OR1I1: variants seen among roughly 807,000 people sequenced by gnomAD.
The protein encoded by OR1I1 is olfactory receptor family 1 subfamily I member 1, also known as olfactory receptor 1I1.
For missense variants in OR1I1, 451 were observed against 443.6 expected (o/e 1.02, Z -0.15); for synonymous variants, 171 against 181.4 (o/e 0.94, Z 0.46).
chr19:15,084,813 G>T (rs1186753866), intron 1 of OR1I1, among the ~76,000 whole-genome samples: 1 of 151,800 alleles, frequency 6.6e-6, no homozygotes, highest in Non-Finnish European at 1.5e-5. Flanking sequence ...TCCTAAGAAG[G>T]TTTAACCCAT....
chr19:15,087,015 G>A, intron 1 of OR1I1, 38 bp from the exon 2 acceptor site: 1 of 1,555,132 alleles, frequency 6.4e-7, no homozygotes, highest in Non-Finnish European at 8.7e-7. Flanking sequence ...TCTGACACCT[G>A]GCTCTGTGTG....
chr19:15,087,277 C>T lies in OR1I1; in HGVS notation c.212C>T (p.Thr71Ile), dbSNP rs757242072. 2 of 1,614,016 alleles carry T rather than the reference C, an allele frequency of 1.2e-6. No homozygotes were observed. The highest frequency in any genetic ancestry group is 2.7e-5 in the African/African-American group (2 of 74,908). ...FFLFNLSLVD[T>I]LLSSTTVPKM... ...CTCTTCAACCTCTCACTCGTTGACA[C>T]CCTATTATCCTCCACCACCGTCCCC... Residue 71 changes from threonine (T) to isoleucine (I), a missense_variant, in exon 2 of 2, where the codon ACC becomes ATC. Thr to Ile is a moderately conservative substitution (Grantham distance 89, BLOSUM62 -1). Coordinates refer to ENST00000641398, the MANE Select transcript of OR1I1 (RefSeq NM_001004713.2).
intron 1 of OR1I1, among the ~76,000 whole-genome samples, chr19:15,084,679 A>G (rs1198298182): frequency 6.6e-6 from 1 of 152,146 alleles, no homozygotes; most frequent in Non-Finnish European, 1.5e-5. Context: ...ACGTTTACCT[A>G]TGTAACAAAC....
chr19:15,089,562 C>G lies in OR1I1; in HGVS notation c.*1429C>G, dbSNP rs532077171. Reference sequence around the variant, plus strand: ...GGGAGGCCAGGCGCAGTGGCTCACACCTGTAAACTCTGGCACTTTGGGAGG... The same window carrying G: ...GGGAGGCCAGGCGCAGTGGCTCACAGCTGTAAACTCTGGCACTTTGGGAGG... On this transcript the variant is annotated 3_prime_UTR_variant, in exon 2 of 2. Coordinates refer to ENST00000641398, the MANE Select transcript of OR1I1 (RefSeq NM_001004713.2). 68 of 152,272 alleles carry G rather than the reference C, an allele frequency of 4.5e-4. No homozygotes were observed. Among genetic ancestry groups the G allele is most frequent in the African/African-American group, 1.6e-3 (68 of 41,536 alleles). The allele number at this position is 152,272 out of a possible 1,614,324, so 9.4% of individuals were successfully genotyped here.
At position 15,084,999 on chromosome 19, in the gene OR1I1, A is replaced by G. The variant is rs76593729; in HGVS notation, c.-13-2054A>G. Among the ~76,000 whole-genome samples, 1,483 of 151,316 alleles carry G rather than the reference A, an allele frequency of 9.8e-3. 24 individuals carry two copies. The highest frequency in any genetic ancestry group is 0.034 in the African/African-American group (1,396 of 41,266). Reference sequence around the variant, plus strand: ...ACCCTGTCTCAAAATAAATTAAATTAAATTAAATAGATCTTGTATTAGATA... The same window carrying G: ...ACCCTGTCTCAAAATAAATTAAATTGAATTAAATAGATCTTGTATTAGATA... On this transcript the variant is annotated intron_variant, in intron 1 of 1. Transcript: ENST00000641398.
chr19:15,086,320 A>C (rs1171195172), intron 1 of OR1I1, among the ~76,000 whole-genome samples: 1 of 152,200 alleles, frequency 6.6e-6, no homozygotes, highest in East Asian at 1.9e-4. Flanking sequence ...TCTCAAAAAA[A>C]GAAAAAGGAA....
In OR1I1 at chr19:15,088,385, T is replaced by C. The variant is rs1485894187; in HGVS notation, c.*252T>C. 2 of 417,734 alleles carry C rather than the reference T, an allele frequency of 4.8e-6. No homozygotes were observed. The highest frequency in any genetic ancestry group is 9.6e-5 in the East Asian group (2 of 20,838). 25.9% of individuals were successfully genotyped at this position (417,734 alleles called of 1,614,324 possible). A position where few individuals can be genotyped will look rare whatever the true frequency, so the allele number is the denominator to read the frequency against. On this transcript the variant is annotated 3_prime_UTR_variant, in exon 2 of 2. Transcript: ENST00000641398. ...ATTGACAAAGGCCAGGTGTGGAAGC[T>C]CAAGCCTGTGATCCCAGCATTTTGG... is the stretch of plus-strand genomic sequence containing the variant.
At chr19:15,084,878 G>T (rs1365520484) in intron 1 of OR1I1, among the ~76,000 whole-genome samples, 1 of 151,800 alleles carries the variant, frequency 6.6e-6, no homozygotes, top group African/African-American at 2.4e-5. Flanking sequence ...CAGCTACTAG[G>T]AAGGCTGAGG....
rs771492972 is a variant in OR1I1 at position 15,087,883 on chromosome 19, C to T, written c.818C>T (p.Ala273Val). The change falls in exon 2 of 2, where the codon GCA (alanine) becomes GTA (valine). Residue 273 changes from alanine to valine, a missense_variant. Transcript: ENST00000641398. ...CCCAGCTCCTCCCAGAAGGACAAGG[C>T]AGCCGCCCTAATGTGTGGGGTGTTC... Reference protein sequence around the residue: ...TSPSSSQKDKAAALMCGVFIP... With the variant: ...TSPSSSQKDKVAALMCGVFIP... The T allele has an allele frequency of 2.5e-5, 40 of 1,614,116 alleles. No individual in the cohort carries two copies. The highest frequency in any genetic ancestry group is 3.1e-5 in the Non-Finnish European group (37 of 1,180,052).
intron 1 of OR1I1, 64 bp from the exon 2 acceptor site, chr19:15,086,989 G>C (rs906509934): frequency 1.3e-5 from 20 of 1,516,356 alleles, no homozygotes; most frequent in Middle Eastern, 1.8e-4. Context: ...TGGGAAGCTG[G>C]GACCAGAATG....
chr19:15,086,493 G>A (rs2046230565), intron 1 of OR1I1, among the ~76,000 whole-genome samples: 1 of 151,814 alleles, frequency 6.6e-6, no homozygotes, highest in Non-Finnish European at 1.5e-5. Flanking sequence ...TTGCTCTATA[G>A]CCCAGGCTAG....
Position 15,089,499 on chromosome 19 carries a change from G to C in OR1I1, c.*1366G>C, listed in dbSNP as rs531406409. 1.3e-5 allele frequency: 2 copies of C among 152,138 alleles called. No individual in the cohort carries two copies. The highest frequency in any genetic ancestry group is 3.9e-4 in the East Asian group (2 of 5,178). The allele number at this position is 152,138 out of a possible 1,614,324, so 9.4% of individuals were successfully genotyped here. ...GGCCCGGGGCACTTAAAAAGTTAGT[G>C]TTATGGGTTGAACTGTGGCTCCCAA... On this transcript the variant is annotated 3_prime_UTR_variant, in exon 2 of 2. Coordinates refer to ENST00000641398, the MANE Select transcript of OR1I1 (RefSeq NM_001004713.2).
intron 1 of OR1I1, among the ~76,000 whole-genome samples, chr19:15,085,149 TATATATATATATATATATATATA>T (rs1229422697): frequency 0.027 from 946 of 34,538 alleles, 82 homozygotes; most frequent in African/African-American, 0.12. Context: ...TATATATATA[TATATATATATATATATATATATA>T]TATATTTTTT....
intron 1 of OR1I1, among the ~76,000 whole-genome samples, chr19:15,083,048 C>T (rs2046215801): frequency 6.6e-6 from 1 of 151,758 alleles, no homozygotes; most frequent in Non-Finnish European, 1.5e-5. Flanking sequence ...CTCAAGAGAT[C>T]CTCCTACCTT....
rs1431494378 is a variant in OR1I1, at chr19:15,087,145, T to A, written c.80T>A (p.Leu27His). Residue 27 changes from leucine to histidine, a missense_variant, in exon 2 of 2, where the codon CTC becomes CAC. Coordinates refer to ENST00000641398, the MANE Select transcript of OR1I1 (RefSeq NM_001004713.2). ...LSEKPEHQTL[L>H]FTMFLSTYLV... ...GAAAAGCCAGAGCATCAGACCCTCC[T>A]CTTCACAATGTTCCTCTCCACATAC... is the stretch of plus-strand genomic sequence containing the variant. 9.3e-6 allele frequency: 15 copies of A among 1,614,096 alleles called. No homozygotes were observed. The highest frequency in any genetic ancestry group is 1.3e-5 in the Non-Finnish European group (15 of 1,180,020).
At chr19:15,083,515 G>A (rs1174737778) in intron 1 of OR1I1, among the ~76,000 whole-genome samples, 2 of 152,186 alleles carry the variant, frequency 1.3e-5, no homozygotes, top group African/African-American at 2.4e-5. Context: ...TTGCCAGGAA[G>A]GGAATCGCAG....
intron 1 of OR1I1, among the ~76,000 whole-genome samples, chr19:15,084,607 AATG>A (rs1286144290): frequency 6.6e-6 from 1 of 152,072 alleles, no homozygotes; most frequent in Non-Finnish European, 1.5e-5. Flanking sequence ...ATAAATAGCT[AATG>A]CATGCTGGGC....
chr19:15,092,045 C>G lies in OR1I1; in HGVS notation c.*3912C>G, dbSNP rs1279226800. ...AAAACTACAGTTAGAGAAGTGGCCA[C>G]TAGGTGGCAATAATGTCATTTCACA... On this transcript the variant is annotated 3_prime_UTR_variant, in exon 2 of 2. Coordinates refer to ENST00000641398, the MANE Select transcript of OR1I1 (RefSeq NM_001004713.2). 2.9e-5 allele frequency: 4 copies of G among 140,190 alleles called. No homozygotes were observed. Among genetic ancestry groups the G allele is most frequent in the African/African-American group, 1.1e-4 (4 of 34,842 alleles). 8.7% of individuals were successfully genotyped at this position (140,190 alleles called of 1,614,324 possible).
intron 1 of OR1I1, among the ~76,000 whole-genome samples, chr19:15,083,456 C>T (rs565052558): frequency 3.3e-5 from 5 of 152,272 alleles, no homozygotes; most frequent in South Asian, 4.1e-4. Context: ...GGTTGAGAAC[C>T]GCTGCTCTAT....
Sources: gnomAD v4.1 joint callset for allele counts (sites outside exome capture counted in the v4.1 genomes callset) on GRCh38, gnomAD v4.1.1 for gene constraint, MANE v1.5 for transcripts, NCBI Gene and HGNC (gene_info 2026-07-23, HGNC 2026-07-21) for gene names.